Variants in REEP1 observed in about 807,000 individuals in gnomAD.
REEP1 encodes the protein receptor expression-enhancing protein 1.
REEP1 carries 22 observed loss-of-function variants against 40.3 expected under a neutral mutation model. The observed-to-expected ratio is 0.55, with a 90% CI of 0.39 to 0.78. The LOEUF (loss-of-function observed/expected upper bound fraction) is 0.78, where lower values mean the gene tolerates loss of function less well. Among genes scored for constraint, REEP1 ranks in the 30% least tolerant of loss-of-function variants. The pLI is 0.00. For missense variants in REEP1, 280 were observed against 361.1 expected (o/e 0.78, Z 1.82); for synonymous variants, 116 against 139.2 (o/e 0.83, Z 1.17).
At chr2:86,304,247 T>TTCTGTA (rs1679386672) in intron 1 of REEP1, among the ~76,000 whole-genome samples, 1 of 152,108 alleles carries the variant, frequency 6.6e-6, no homozygotes, top group African/African-American at 2.4e-5. Flanking sequence ...GTAAAACCAT[T>TTCTGTA]AGCAACCAAG....
chr2:86,323,180 G>A (rs1471553186), intron 1 of REEP1, among the ~76,000 whole-genome samples: 1 of 152,162 alleles, frequency 6.6e-6, no homozygotes, highest in Non-Finnish European at 1.5e-5. Flanking sequence ...TCCAGCCTTG[G>A]CAACAGAGCC....
intron 1 of REEP1, among the ~76,000 whole-genome samples, chr2:86,298,437 G>T (rs185661058): frequency 6.6e-6 from 1 of 152,354 alleles, no homozygotes. Flanking sequence ...CATTCACCTA[G>T]TGCCTACCAG....
chr2:86,309,093 T>C (rs1299765184), intron 1 of REEP1, among the ~76,000 whole-genome samples: 1 of 152,206 alleles, frequency 6.6e-6, no homozygotes, highest in African/African-American at 2.4e-5. Context: ...ACAGTAGCAC[T>C]CTGTCACCTT....
chr2:86,264,656 GCCTGC>G (rs1422549093), intron 2 of REEP1, among the ~76,000 whole-genome samples: 1 of 152,096 alleles, frequency 6.6e-6, no homozygotes. Flanking sequence ...AAATATCCCA[GCCTGC>G]AGAATCAAGT....
At chr2:86,335,374 G>C (rs966496007) in intron 1 of REEP1, among the ~76,000 whole-genome samples, 9 of 152,102 alleles carry the variant, frequency 5.9e-5, no homozygotes, top group Admixed American at 1.3e-4. Context: ...TTTTGGACTT[G>C]ATAGTGGAAG....
rs555150532 is a variant in REEP1, at chr2:86,297,118, G to A, written c.33-14876C>T. 4.6e-5 allele frequency among the ~76,000 whole-genome samples: 7 copies of A among 152,280 alleles called. No homozygotes were observed. The South Asian group carries it at 1.5e-3, about 32-fold the overall frequency. Reference sequence around the variant, plus strand: ...CACTGTGCTACCAACCACCCACATGGTCTCCTTCCATACTCAACATCCAGA... The same window carrying A: ...CACTGTGCTACCAACCACCCACATGATCTCCTTCCATACTCAACATCCAGA... On this transcript the variant is annotated intron_variant, in intron 1 of 8. Transcript: ENST00000538924.
intron 1 of REEP1, among the ~76,000 whole-genome samples, chr2:86,318,956 A>C (rs985281516): frequency 6.6e-6 from 1 of 152,226 alleles, no homozygotes; most frequent in African/African-American, 2.4e-5. Context: ...AATATAAATA[A>C]TATTTGTAAA....
intron 2 of REEP1, among the ~76,000 whole-genome samples, chr2:86,276,387 C>T (rs1284682456): frequency 3.3e-5 from 5 of 152,216 alleles, no homozygotes; most frequent in African/African-American, 4.8e-5. Context: ...TTCTGGCAGC[C>T]ACACAGCAAG....
intron 1 of REEP1, among the ~76,000 whole-genome samples, chr2:86,298,325 G>A (rs1340395748): frequency 2.6e-5 from 4 of 152,210 alleles, no homozygotes; most frequent in African/African-American, 4.8e-5. Flanking sequence ...TGGGGGTCAG[G>A]AATCCTGGTT....
intron 7 of REEP1, among the ~76,000 whole-genome samples, chr2:86,224,110 T>G (rs1193498746): frequency 6.6e-6 from 1 of 152,104 alleles, no homozygotes; most frequent in Non-Finnish European, 1.5e-5. Context: ...TAAAAGGCAC[T>G]TAGCAGCCTC....
intron 5 of REEP1, among the ~76,000 whole-genome samples, chr2:86,250,978 A>G (rs1257162983): frequency 6.6e-6 from 1 of 152,132 alleles, no homozygotes; most frequent in Non-Finnish European, 1.5e-5. Flanking sequence ...CAAACCTTTT[A>G]AGCCCCATCG....
rs1681097918 is a variant in REEP1 at position 86,337,368 on chromosome 2, G to A, written c.32+111C>T. ...TGTACCTGCTAAATTTAGCTGCGCC[G>A]GGTATTAATAGCCCGAGCCACTGGG... On this transcript the variant is annotated intron_variant, in intron 1 of 8. Transcript: ENST00000538924. This position sits in a 1 kb window ranked among gnomAD's most constrained non-coding sequence, Gnocchi z 5.8. 1.6e-6 allele frequency: 1 copy of A among 644,446 alleles called. No individual in the cohort carries two copies. The highest frequency in any genetic ancestry group is 2.1e-6 in the Non-Finnish European group (1 of 466,872). 39.9% of individuals were successfully genotyped at this position (644,446 alleles called of 1,614,324 possible).
chr2:86,286,362 G>A lies in REEP1; in HGVS notation c.33-4120C>T, dbSNP rs935347798. On this transcript the variant is annotated intron_variant, in intron 1 of 8. Coordinates refer to ENST00000538924, the MANE Select transcript of REEP1 (RefSeq NM_001371279.1). ...AGTGAGTAGAGGCCAGGGATGCTGC[G>A]AAACATCCTATCATGCACAGGACAG... 3.1e-4 allele frequency among the ~76,000 whole-genome samples: 47 copies of A among 152,146 alleles called. 1 individual carries two copies. Among genetic ancestry groups the A allele is most frequent in the South Asian group, 2.1e-4 (1 of 4,828 alleles).
chr2:86,275,000 G>A (rs1347898865), intron 2 of REEP1, among the ~76,000 whole-genome samples: 1 of 152,222 alleles, frequency 6.6e-6, no homozygotes, highest in African/African-American at 2.4e-5. Context: ...CTGCAGAGGA[G>A]CAGGCTTAGC....
intron 2 of REEP1, among the ~76,000 whole-genome samples, chr2:86,266,548 A>G (rs1305354410): frequency 6.6e-6 from 1 of 150,728 alleles, no homozygotes; most frequent in Admixed American, 6.6e-5. Context: ...GAACCCGGGA[A>G]GCGGAGCTTG....
At chr2:86,285,947 A>G (rs1678366764) in intron 1 of REEP1, among the ~76,000 whole-genome samples, 1 of 152,162 alleles carries the variant, frequency 6.6e-6, no homozygotes, top group African/African-American at 2.4e-5. Flanking sequence ...CATCCTCCAG[A>G]GAGACCAGGC....
intron 1 of REEP1, among the ~76,000 whole-genome samples, chr2:86,328,195 A>G (rs1319004559): frequency 1.3e-5 from 2 of 152,142 alleles, no homozygotes; most frequent in Non-Finnish European, 2.9e-5. Context: ...TGGAAATCCA[A>G]CGTGAATCTC....
intron 1 of REEP1, among the ~76,000 whole-genome samples, chr2:86,332,979 T>G (rs1680846763): frequency 6.6e-6 from 1 of 152,190 alleles, no homozygotes; most frequent in Non-Finnish European, 1.5e-5. Context: ...CCCTTAGGAC[T>G]GTGATAGTGA....
chr2:86,315,483 A>C (rs1222543196), intron 1 of REEP1, among the ~76,000 whole-genome samples: 3 of 152,172 alleles, frequency 2.0e-5, no homozygotes, highest in African/African-American at 7.2e-5. Flanking sequence ...TTACATGAGA[A>C]ATGCTGTGAG....
Sources: allele counts gnomAD v4.1 joint callset (sites outside exome capture counted in the v4.1 genomes callset), GRCh38; gene constraint gnomAD v4.1.1; non-coding constraint Gnocchi (gnomAD v3.1); transcripts MANE v1.5; gene names NCBI Gene and HGNC (gene_info 2026-07-23, HGNC 2026-07-21).